Variants in SLC28A1 observed in about 807,000 individuals in gnomAD.
The protein encoded by SLC28A1 is solute carrier family 28 member 1, also known as sodium/nucleoside cotransporter 1.
SLC28A1 carries 64 observed loss-of-function variants against 74.8 expected under a neutral mutation model. That is an observed-to-expected ratio of 0.86 (90% CI 0.70 to 1.05). The LOEUF (loss-of-function observed/expected upper bound fraction) is 1.05, where lower values mean the gene tolerates loss of function less well. SLC28A1 is among the 50% of genes least tolerant of loss of function. The pLI is 0.00. For missense variants in SLC28A1, 828 were observed against 822.8 expected, an observed-to-expected ratio of 1.01 and a Z score of -0.08; for synonymous variants, 359 against 335.0, an observed-to-expected ratio of 1.07 and a Z score of -0.78.
In SLC28A1 at chr15:84,888,002, G is replaced by A. The variant is rs1964804231; in HGVS notation, c.96+146G>A. On this transcript the variant is annotated intron_variant, in intron 3 of 18. Coordinates refer to ENST00000394573, the MANE Select transcript of SLC28A1 (RefSeq NM_004213.5). ...CTCACCTCTTTGCTGGCACAGTTAT[G>A]AACCTCCCAGTGTGTTGGCCTCCTC... 4 of 675,510 alleles carry A rather than the reference G, an allele frequency of 5.9e-6. No homozygotes were observed. In the Admixed American group the frequency reaches 8.8e-5, roughly 15 times the overall value. 41.8% of individuals were successfully genotyped at this position (675,510 alleles called of 1,614,324 possible). A position where few individuals can be genotyped will look rare whatever the true frequency, so the allele number is the denominator to read the frequency against.
In SLC28A1 at chr15:84,943,525, G is replaced by C. The variant is rs1972955879; in HGVS notation, c.1662G>C (p.Leu554Phe). Residue 554 changes from leucine to phenylalanine, a missense_variant and splice_region_variant, in exon 16 of 19, where the codon TTG (leucine) becomes TTC (phenylalanine). Leu to Phe is a conservative substitution (Grantham distance 22). Transcript: ENST00000394573. ...FSSIGIMLGGLTSMVPQRKSD... is the reference protein window; with the variant it reads ...FSSIGIMLGGFTSMVPQRKSD... ...CCATTGGGATCATGCTGGGAGGCTTGAGTGAGTCTAATCAGGGCCTCACCA... is the reference window on the plus strand; with the variant it reads ...CCATTGGGATCATGCTGGGAGGCTTCAGTGAGTCTAATCAGGGCCTCACCA... The C allele has an allele frequency of 1.9e-6, 3 of 1,612,818 alleles. No homozygotes were observed. The highest frequency in any genetic ancestry group is 1.7e-6 in the Non-Finnish European group (2 of 1,178,722).
At chr15:84,911,505 C>T (rs118064553) in intron 9 of SLC28A1, among the ~76,000 whole-genome samples, 544 of 152,294 alleles carry the variant, frequency 3.6e-3, no homozygotes, top group Non-Finnish European at 5.6e-3. Flanking sequence ...CAGAAATCAA[C>T]GGCCTCATGT....
At chr15:84,931,742 G>A (rs1342009931) in intron 12 of SLC28A1, among the ~76,000 whole-genome samples, 1 of 147,632 alleles carries the variant, frequency 6.8e-6, no homozygotes, top group African/African-American at 2.5e-5. Flanking sequence ...GGTGGCTCAT[G>A]CCTGTAATCC....
chr15:84,969,093 T>C, the SLC28A1 span, among the ~76,000 whole-genome samples: 9 of 152,202 alleles, frequency 5.9e-5, no homozygotes, highest in African/African-American at 2.2e-4. Context: ...AATGCTTGTA[T>C]AGTAATGATA....
chr15:84,908,711 C>G lies in SLC28A1; in HGVS notation c.718-7C>G, dbSNP rs760400217. ...CTGTTTTTGTTTGTTTTGCTTTTTT[C>G]TTTCAGATCTTCCTGAGCTACACGA... On this transcript the variant is annotated splice_polypyrimidine_tract_variant and splice_region_variant and intron_variant, in intron 8 of 18. Transcript: ENST00000394573. 2 of 1,612,570 alleles carry G rather than the reference C, an allele frequency of 1.2e-6. No homozygotes were observed. Among genetic ancestry groups the G allele is most frequent in the Non-Finnish European group, 1.7e-6 (2 of 1,179,618 alleles).
the SLC28A1 span, among the ~76,000 whole-genome samples, chr15:84,952,722 CA>C: frequency 6.6e-6 from 1 of 152,082 alleles, no homozygotes; most frequent in South Asian, 2.1e-4. Context: ...CAAGTCTCTA[CA>C]AAAAAATACA....
intron 8 of SLC28A1, among the ~76,000 whole-genome samples, chr15:84,906,727 C>T (rs1481480097): frequency 6.6e-6 from 1 of 150,932 alleles, no homozygotes; most frequent in Non-Finnish European, 1.5e-5. Flanking sequence ...CAAGTGATCT[C>T]ACCTTGAGCC....
chr15:84,899,154 G>C (rs966403799), intron 6 of SLC28A1, among the ~76,000 whole-genome samples: 1 of 151,044 alleles, frequency 6.6e-6, no homozygotes, highest in South Asian at 2.1e-4. Context: ...ATTGTTTAGC[G>C]TACTAAGAAG....
At chr15:84,906,548 CTTTCTTTCTTTCTTTCT>C (rs1967192968) in intron 8 of SLC28A1, among the ~76,000 whole-genome samples, 5 of 81,462 alleles carry the variant, frequency 6.1e-5, no homozygotes, top group Non-Finnish European at 9.9e-5. Context: ...TTCTTTCTTT[CTTTCTTTCTTTCTTTCT>C]CTTTCTTTCT....
In SLC28A1 at chr15:84,928,525, TCGTTC is replaced by T. The variant is rs1567171777; in HGVS notation, c.1083+4416_1083+4420del. Among the ~76,000 whole-genome samples, 84 of 25,524 alleles carry T rather than the reference TCGTTC, an allele frequency of 3.3e-3. 16 individuals are homozygous for T. The highest frequency in any genetic ancestry group is 0.017 in the African/African-American group (84 of 5,026). The allele number at this position is 25,524 out of a possible 152,430, so 16.7% of individuals were successfully genotyped here. ...CTTTCCTTCAAGCTCCCAGGTTCGTTCGTTCTTTCTTTCTTTCTTTCTTTCTTTCT... is the reference window on the plus strand; with the variant it reads ...CTTTCCTTCAAGCTCCCAGGTTCGTTTTTCTTTCTTTCTTTCTTTCTTTCT... On this transcript the variant is annotated intron_variant, in intron 12 of 18. Transcript: ENST00000394573.
chr15:84,964,435 C>T, the SLC28A1 span, among the ~76,000 whole-genome samples: 11 of 152,216 alleles, frequency 7.2e-5, no homozygotes, highest in Non-Finnish European at 1.2e-4. Context: ...CTATTCCTTC[C>T]TCTCACTCAG....
chr15:84,908,681 A>C (rs759594144), intron 8 of SLC28A1, 37 bp from the exon 9 acceptor site: 1 of 1,571,672 alleles, frequency 6.4e-7, no homozygotes, highest in Admixed American at 1.7e-5. Context: ...TCCCAGCCTC[A>C]CTGCCTGTTT....
At chr15:84,930,454 T>C (rs1971129515) in intron 12 of SLC28A1, among the ~76,000 whole-genome samples, 1 of 152,138 alleles carries the variant, frequency 6.6e-6, no homozygotes, top group Non-Finnish European at 1.5e-5. Flanking sequence ...TTTTAAGAAG[T>C]TTTGTCGATC....
chr15:84,932,482 T>C (rs1015882791), intron 12 of SLC28A1, among the ~76,000 whole-genome samples: 4 of 152,148 alleles, frequency 2.6e-5, no homozygotes, highest in African/African-American at 7.2e-5. Context: ...AAACGGTGGC[T>C]GTCATAGAGG....
At chr15:84,906,152 T>C (rs1418758564) in intron 8 of SLC28A1, among the ~76,000 whole-genome samples, 2 of 151,910 alleles carry the variant, frequency 1.3e-5, no homozygotes, top group African/African-American at 4.8e-5. Flanking sequence ...GCCCAGTAGC[T>C]GGGATTACAG....
chr15:84,939,156 C>T (rs899402718), intron 15 of SLC28A1, among the ~76,000 whole-genome samples: 3 of 152,112 alleles, frequency 2.0e-5, no homozygotes, highest in African/African-American at 7.2e-5. Flanking sequence ...CCTGGCTTTA[C>T]AAAAAATTTA....
chr15:84,891,835 G>A (rs79281277), intron 5 of SLC28A1, among the ~76,000 whole-genome samples: 5 of 152,338 alleles, frequency 3.3e-5, no homozygotes, highest in Non-Finnish European at 5.9e-5. Context: ...GTGACCCAGT[G>A]TCAAGGATGG....
the SLC28A1 span, among the ~76,000 whole-genome samples, chr15:84,961,763 G>C: frequency 1.3e-5 from 2 of 152,154 alleles, no homozygotes; most frequent in Admixed American, 6.5e-5. Context: ...AAGATGTTGG[G>C]TGAGAGAAGC....
At chr15:84,972,462 G>C in the SLC28A1 span, among the ~76,000 whole-genome samples, 1 of 152,206 alleles carries the variant, frequency 6.6e-6, no homozygotes, top group African/African-American at 2.4e-5. Context: ...AAAGGCTCAA[G>C]AAGAAAATTA....
Sources: allele counts gnomAD v4.1 joint callset (sites outside exome capture counted in the v4.1 genomes callset), GRCh38; gene constraint gnomAD v4.1.1; transcripts MANE v1.5; gene names NCBI Gene and HGNC (gene_info 2026-07-23, HGNC 2026-07-21).